Variants in AHR observed in about 807,000 individuals in gnomAD.
AHR encodes the protein AH-receptor.
AHR carries 40 observed loss-of-function variants against 86.8 expected under a neutral mutation model. That is an observed-to-expected ratio of 0.46 (90% CI 0.36 to 0.60). AHR has a LOEUF of 0.60. Among genes scored for constraint, AHR ranks in the 20% least tolerant of loss-of-function variants. The pLI is 0.00. For synonymous variants in AHR, 398 were observed against 354.9 expected, an observed-to-expected ratio of 1.12 and a Z score of -1.37; for missense variants, 1,001 against 1,011.6, an observed-to-expected ratio of 0.99 and a Z score of 0.14.
chr7:17,332,086 T>C (rs1471857950), intron 6 of AHR, among the ~76,000 whole-genome samples: 1 of 151,862 alleles, frequency 6.6e-6, no homozygotes, highest in Non-Finnish European at 1.5e-5. Flanking sequence ...CATGAGATCA[T>C]AATGGAGCCG....
chr7:17,306,962 A>T (rs1394018033), intron 1 of AHR, among the ~76,000 whole-genome samples: 2 of 152,180 alleles, frequency 1.3e-5, no homozygotes, highest in Admixed American at 1.3e-4. Context: ...ACATAGAAAT[A>T]AGGGTGTTAG....
At chr7:17,333,127 G>C (rs889866321) in intron 6 of AHR, among the ~76,000 whole-genome samples, 1 of 151,864 alleles carries the variant, frequency 6.6e-6, no homozygotes, top group Non-Finnish European at 1.5e-5. Flanking sequence ...TACCATCTAG[G>C]TTTGTGAACC....
Position 17,339,854 on chromosome 7 carries a change from G to A in AHR, c.2029G>A (p.Asp677Asn), listed in dbSNP as rs754946915. The change falls in exon 10 of 11, where the codon GAC becomes AAC. Residue 677 changes from aspartate to asparagine, a missense_variant. Around this residue, in one of 2 missense-constraint regions of AHR, gnomAD observed 607 missense variants for 543.1 expected, o/e 1.12. Transcript: ENST00000242057. ...QDPQQYNVFTDLHGISQEFPY... is the reference protein window; with the variant it reads ...QDPQQYNVFTNLHGISQEFPY... Reference sequence around the variant, plus strand: ...CCCACAACAATATAATGTCTTTACAGACTTACATGGGATCAGTCAAGAGTT... The same window carrying A: ...CCCACAACAATATAATGTCTTTACAAACTTACATGGGATCAGTCAAGAGTT... 1 of 1,614,152 alleles carries A rather than the reference G, an allele frequency of 6.2e-7. No homozygotes were observed. The highest frequency in any genetic ancestry group is 1.1e-5 in the South Asian group (1 of 91,076).
chr7:17,313,932 A>G (rs1782091189), intron 2 of AHR, among the ~76,000 whole-genome samples: 1 of 152,138 alleles, frequency 6.6e-6, no homozygotes, highest in Admixed American at 6.6e-5. Flanking sequence ...TAAACAGTGT[A>G]CACTGGGCTT....
intron 2 of AHR, among the ~76,000 whole-genome samples, chr7:17,317,491 G>A (rs186029774): frequency 2.0e-5 from 3 of 152,212 alleles, no homozygotes; most frequent in Admixed American, 2.0e-4. Context: ...ATTTCCCGAA[G>A]AAGTTCACAA....
intron 6 of AHR, among the ~76,000 whole-genome samples, chr7:17,331,532 A>G (rs1028711648): frequency 2.6e-5 from 4 of 151,944 alleles, no homozygotes; most frequent in Non-Finnish European, 5.9e-5. Flanking sequence ...TGAGAGAATT[A>G]TGTAGCCCTT....
intron 1 of AHR, among the ~76,000 whole-genome samples, chr7:17,307,554 A>G (rs1782018197): frequency 6.6e-6 from 1 of 152,188 alleles, no homozygotes; most frequent in African/African-American, 2.4e-5. Flanking sequence ...AGAATAGACA[A>G]AAGCGGCTTC....
At chr7:17,337,954 A>G (rs957844880) in intron 9 of AHR, among the ~76,000 whole-genome samples, 7 of 151,570 alleles carry the variant, frequency 4.6e-5, no homozygotes, top group Admixed American at 1.3e-4. Flanking sequence ...TTCTTTAAAA[A>G]TTCTATTGCC....
Position 17,309,901 on chromosome 7 carries a change from A to G in AHR, c.66-35A>G, listed in dbSNP as rs766198429. ...TAGAAATTTTTGCTTTATATTTTTT[A>G]AAGGATTTTTTATGGTATTTTGTTT... is the stretch of plus-strand genomic sequence containing the variant. On this transcript the variant is annotated intron_variant, in intron 1 of 10. Transcript: ENST00000242057. 2.5e-5 allele frequency: 37 copies of G among 1,479,430 alleles called. No individual in the cohort carries two copies. The South Asian group carries it at 5.0e-4, about 20-fold the overall frequency. The allele number at this position is 1,479,430 out of a possible 1,614,324, so 91.6% of individuals were successfully genotyped here. A position where few individuals can be genotyped will look rare whatever the true frequency, so the allele number is the denominator to read the frequency against.
At chr7:17,307,920 T>A (rs936712913) in intron 1 of AHR, among the ~76,000 whole-genome samples, 11 of 152,120 alleles carry the variant, frequency 7.2e-5, no homozygotes, top group African/African-American at 2.4e-4. Context: ...CATAGCTCAC[T>A]TCATTTTACT....
intron 9 of AHR, 45 bp from the exon 10 acceptor site, chr7:17,338,941 G>C (rs768722354): frequency 2.0e-6 from 3 of 1,482,888 alleles, no homozygotes; most frequent in South Asian, 1.4e-5. Context: ...ATTTTAAAAT[G>C]TTTGATAGAA....
chr7:17,325,350 A>G lies in AHR; in HGVS notation c.361-2409A>G, dbSNP rs568279988. Among the ~76,000 whole-genome samples the G allele has an allele frequency of 4.6e-5, 7 of 152,330 alleles. No homozygotes were observed. In the South Asian group the frequency reaches 1.4e-3, roughly 32 times the overall value. On this transcript the variant is annotated intron_variant, in intron 3 of 10. Transcript: ENST00000242057. ...CATGTACACCAATGAGTTTATTGGAATGTGACTAAATTTGTTTCACTGTTT... is the reference window on the plus strand; with the variant it reads ...CATGTACACCAATGAGTTTATTGGAGTGTGACTAAATTTGTTTCACTGTTT...
intron 1 of AHR, among the ~76,000 whole-genome samples, chr7:17,305,402 C>T (rs907530075): frequency 6.6e-6 from 1 of 152,022 alleles, no homozygotes; most frequent in Non-Finnish European, 1.5e-5. Flanking sequence ...AAGAGTTGGG[C>T]TTTATTGGGT....
intron 2 of AHR, among the ~76,000 whole-genome samples, chr7:17,320,909 T>C (rs916687711): frequency 4.6e-5 from 7 of 152,132 alleles, no homozygotes; most frequent in Non-Finnish European, 1.0e-4. Flanking sequence ...TTTTAACTTC[T>C]GCAAAGGCCA....
chr7:17,327,661 T>C (rs1782243250), intron 3 of AHR, 98 bp from the exon 4 acceptor site: 3 of 552,596 alleles, frequency 5.4e-6, no homozygotes, highest in Non-Finnish European at 9.1e-6. Flanking sequence ...ATTTTAACTA[T>C]TTTGAAGAGA....
chr7:17,312,064 G>C (rs1391946183), intron 2 of AHR, among the ~76,000 whole-genome samples: 1 of 152,160 alleles, frequency 6.6e-6, no homozygotes. Context: ...TGGTGATAGG[G>C]CTAGATGCAT....
chr7:17,299,005 C>T lies in AHR; in HGVS notation c.-260C>T, dbSNP rs1781922763. The T allele has an allele frequency of 2.1e-6, 1 of 465,942 alleles. No individual in the cohort carries two copies. The highest frequency in any genetic ancestry group is 3.7e-6 in the Non-Finnish European group (1 of 269,092). 28.9% of individuals were successfully genotyped at this position (465,942 alleles called of 1,614,324 possible). A position where few individuals can be genotyped will look rare whatever the true frequency, so the allele number is the denominator to read the frequency against. ...TGTAGACGGCACCTGCGCCGCCTTG[C>T]TCGCGGGTCTCCGCCCCTCGCCCAC... On this transcript the variant is annotated 5_prime_UTR_variant, in exon 1 of 11. Transcript: ENST00000242057.
rs1476050060 is a variant in AHR at position 17,345,495 on chromosome 7, A to T, written c.*2431A>T. On this transcript the variant is annotated 3_prime_UTR_variant, in exon 11 of 11. Transcript: ENST00000242057. ...AAACATTTCATAATTTGTTTCCAGC[A>T]TGAGGTATCTAAGGATTTAGACCAG... The T allele has an allele frequency of 6.6e-6, 1 of 152,664 alleles. No homozygotes were observed. The highest frequency in any genetic ancestry group is 2.4e-5 in the African/African-American group (1 of 41,440). The allele number at this position is 152,664 out of a possible 1,614,324, so 9.5% of individuals were successfully genotyped here.
intron 1 of AHR, among the ~76,000 whole-genome samples, chr7:17,307,078 A>T (rs181741281): frequency 4.1e-4 from 62 of 152,202 alleles, no homozygotes; most frequent in Non-Finnish European, 7.1e-4. Context: ...ACAATTTTGC[A>T]TTATGAAAAG....
Sources: gnomAD v4.1 joint callset for allele counts (sites outside exome capture counted in the v4.1 genomes callset) on GRCh38, gnomAD v4.1.1 for gene constraint, gnomAD v4.1.1 regional missense constraint, MANE v1.5 for transcripts, NCBI Gene and HGNC (gene_info 2026-07-23, HGNC 2026-07-21) for gene names.